The following AP1S3 variants were observed in gnomAD, a reference collection of about 807,000 sequenced individuals.
The protein encoded by AP1S3 is adaptor related protein complex 1 subunit sigma 3.
A neutral mutation model predicts 20.9 loss-of-function variants in AP1S3; 10 were observed. The ratio of observed to expected loss-of-function variants is 0.48; its 90% CI spans 0.29 to 0.81. The LOEUF (loss-of-function observed/expected upper bound fraction) is 0.81, where lower values mean the gene tolerates loss of function less well. Among genes scored for constraint, AP1S3 ranks in the 30% least tolerant of loss-of-function variants. AP1S3 has a pLI of 0.08. For synonymous variants in AP1S3, 41 were observed against 61.5 expected (o/e 0.67, Z 1.56); for missense variants, 154 against 183.8 (o/e 0.84, Z 0.94).
intron 3 of AP1S3, chr2:223,773,332 G>C (rs1198526281): frequency 7.7e-7 from 1 of 1,304,080 alleles, no homozygotes; most frequent in African/African-American, 1.5e-5. Flanking sequence ...ACTTCTTCAG[G>C]CTCTTGCAAA....
intron 2 of AP1S3, chr2:223,776,300 G>A (rs1690783202): frequency 4.5e-6 from 2 of 442,756 alleles, no homozygotes; most frequent in Non-Finnish European, 8.7e-6. Context: ...GGTAATCAGG[G>A]TGTCTTCACA....
At chr2:223,778,869 C>G (rs1371755442) in intron 1 of AP1S3, among the ~76,000 whole-genome samples, 1 of 151,686 alleles carries the variant, frequency 6.6e-6, no homozygotes, top group East Asian at 1.9e-4. Flanking sequence ...GCTAATTTTG[C>G]TGTGTTTTTA....
chr2:223,831,132 G>C (rs559132302), intron 1 of AP1S3, among the ~76,000 whole-genome samples: 1 of 151,640 alleles, frequency 6.6e-6, no homozygotes, highest in South Asian at 2.1e-4. Flanking sequence ...CTCCAACCCT[G>C]GCCCCTTTCT....
chr2:223,828,752 G>C (rs553593658), intron 1 of AP1S3, among the ~76,000 whole-genome samples: 1 of 152,172 alleles, frequency 6.6e-6, no homozygotes, highest in Non-Finnish European at 1.5e-5. Flanking sequence ...GAGAAGCCCT[G>C]CATTCAGAAG....
At chr2:223,795,586 GCAGAAGGGGC>G (rs796493918) in intron 1 of AP1S3, among the ~76,000 whole-genome samples, 182 of 88,446 alleles carry the variant, frequency 2.1e-3, no homozygotes, top group African/African-American at 0.011. Flanking sequence ...ACTAGGCCAG[GCAGAAGGGGC>G]CAGGAGGCGC....
At chr2:223,813,040 T>C (rs949599048) in intron 1 of AP1S3, among the ~76,000 whole-genome samples, 9 of 152,062 alleles carry the variant, frequency 5.9e-5, no homozygotes, top group Non-Finnish European at 1.0e-4. Flanking sequence ...GTGATTCTCC[T>C]GCCTCAGCCT....
chr2:223,780,112 C>G (rs923638972), intron 1 of AP1S3, among the ~76,000 whole-genome samples: 3 of 151,360 alleles, frequency 2.0e-5, no homozygotes, highest in Non-Finnish European at 4.4e-5. Context: ...AACCACCTCC[C>G]CCGGCTGCCT....
chr2:223,783,573 G>A lies in AP1S3; in HGVS notation c.4-5704C>T, dbSNP rs538713003. Among the ~76,000 whole-genome samples, 9 of 152,336 alleles carry A rather than the reference G, an allele frequency of 5.9e-5. No individual in the cohort carries two copies. In the East Asian group the frequency reaches 1.4e-3, roughly 23 times the overall value. On this transcript the variant is annotated intron_variant, in intron 1 of 4. Transcript: ENST00000396654. The stretch of plus-strand genomic sequence containing the variant: ...TAGTCCTCCGAGGGAAGCACGAAGC[G>A]CAGCAGCACCAGTCTGCTGAGTCTG...
chr2:223,809,697 CA>C (rs1318840652), intron 1 of AP1S3, among the ~76,000 whole-genome samples: 80 of 151,690 alleles, frequency 5.3e-4, no homozygotes, highest in African/African-American at 1.8e-3. Context: ...CTACCCTGAC[CA>C]CCCTATATAA....
intron 3 of AP1S3, among the ~76,000 whole-genome samples, chr2:223,774,484 G>A (rs1028972046): frequency 5.9e-5 from 9 of 152,144 alleles, no homozygotes; most frequent in African/African-American, 1.7e-4. Flanking sequence ...AGGCTGGGGG[G>A]GTTGATTTTA....
At chr2:223,789,913 T>C (rs1266751086) in intron 1 of AP1S3, among the ~76,000 whole-genome samples, 3 of 147,952 alleles carry the variant, frequency 2.0e-5, no homozygotes, top group African/African-American at 7.5e-5. Context: ...GCAGAGATAA[T>C]GGAGAGGAAG....
chr2:223,827,573 A>T lies in AP1S3; in HGVS notation c.3+9875T>A, dbSNP rs187395455. ...ACATTTTTTTTTATTTTCAGTAGAA[A>T]CGGGGCTTTACCATGTTGGCCTGGC... On this transcript the variant is annotated intron_variant, in intron 1 of 4. Transcript: ENST00000396654. Among the ~76,000 whole-genome samples the T allele has an allele frequency of 2.6e-4, 40 of 151,958 alleles. 1 individual carries two copies. In the East Asian group the frequency reaches 7.6e-3, roughly 29 times the overall value.
intron 1 of AP1S3, among the ~76,000 whole-genome samples, chr2:223,832,382 T>A (rs1349764096): frequency 8.0e-6 from 1 of 124,882 alleles, no homozygotes; most frequent in South Asian, 2.7e-4. Context: ...AAACGAGTGA[T>A]AGAAACTCGG....
intron 1 of AP1S3, among the ~76,000 whole-genome samples, chr2:223,782,276 G>T (rs1690968965): frequency 6.6e-6 from 1 of 152,156 alleles, no homozygotes; most frequent in Non-Finnish European, 1.5e-5. Flanking sequence ...GCCTCCCAAA[G>T]TGCTGGGATT....
At chr2:223,828,812 G>A (rs770179125) in intron 1 of AP1S3, among the ~76,000 whole-genome samples, 5 of 151,808 alleles carry the variant, frequency 3.3e-5, no homozygotes, top group Admixed American at 6.6e-5. Context: ...GAAATTCCTG[G>A]TAAACTTTGA....
At chr2:223,768,302 A>T (rs1414966141) in intron 3 of AP1S3, among the ~76,000 whole-genome samples, 1 of 151,882 alleles carries the variant, frequency 6.6e-6, no homozygotes, top group Admixed American at 6.6e-5. Context: ...AACCAAGCTC[A>T]TTTTTTCAAG....
At chr2:223,796,037 G>A (rs1054986491) in intron 1 of AP1S3, among the ~76,000 whole-genome samples, 5 of 152,140 alleles carry the variant, frequency 3.3e-5, no homozygotes, top group African/African-American at 1.2e-4. Flanking sequence ...GCCAGACGCG[G>A]TGGCAGGCAT....
At chr2:223,771,140 A>T (rs1444827113) in intron 3 of AP1S3, among the ~76,000 whole-genome samples, 1 of 151,804 alleles carries the variant, frequency 6.6e-6, no homozygotes, top group Non-Finnish European at 1.5e-5. Flanking sequence ...GTTCGAGACC[A>T]GACTGGGCAA....
intron 1 of AP1S3, among the ~76,000 whole-genome samples, chr2:223,795,565 G>A (rs1691316329): frequency 6.7e-6 from 1 of 148,602 alleles, no homozygotes; most frequent in Non-Finnish European, 1.5e-5. Context: ...AGGGCCTGCT[G>A]GGCATTTATC....
Sources: allele counts gnomAD v4.1 joint callset (sites outside exome capture counted in the v4.1 genomes callset), GRCh38; gene constraint gnomAD v4.1.1; transcripts MANE v1.5; gene names NCBI Gene and HGNC (gene_info 2026-07-23, HGNC 2026-07-21).